Variants in RAD51B observed in about 807,000 individuals in gnomAD.
RAD51B encodes the protein DNA repair protein RAD51 homolog 2.
In RAD51B, 38 loss-of-function variants were observed where a neutral mutation model predicts 42.2. The observed-to-expected ratio is 0.90, with a 90% CI of 0.70 to 1.18. RAD51B has a LOEUF of 1.18. Ranked by LOEUF, RAD51B falls within the 50% of genes most tolerant of loss-of-function variation. The pLI is 0.00. For missense variants in RAD51B, 373 were observed against 400.7 expected (o/e 0.93, Z 0.59); for synonymous variants, 154 against 145.2 (o/e 1.06, Z -0.43).
intron 10 of RAD51B, chr14:68,469,210 AT>A: frequency 2.5e-6 from 1 of 402,038 alleles, no homozygotes; most frequent in Non-Finnish European, 5.3e-6. Flanking sequence ...TAAGTTAAAT[AT>A]TTTTCCCAGG....
Position 68,440,148 on chromosome 14 carries a change from T to C in RAD51B, c.958-28024T>C, listed in dbSNP as rs1362041922. ...TTGGCTAGTAATAATGGTTGTAAGA[T>C]TGATCTAAATCATAATAAATGTTGT... On this transcript the variant is annotated intron_variant, in intron 9 of 10. Coordinates refer to ENST00000471583, the MANE Select transcript of RAD51B (RefSeq NM_133510.4). Among the ~76,000 whole-genome samples the C allele has an allele frequency of 2.6e-5, 4 of 152,236 alleles. No individual in the cohort carries two copies. The East Asian group carries it at 5.8e-4, about 22-fold the overall frequency.
At position 67,983,549 on chromosome 14, in the gene RAD51B, C is replaced by T. The variant is rs896462888; in HGVS notation, c.756+96345C>T. On this transcript the variant is annotated intron_variant, in intron 7 of 10. Coordinates refer to ENST00000471583, the MANE Select transcript of RAD51B (RefSeq NM_133510.4). ...CAAATTTGTTAGCATTTTCTCACTG[C>T]AAAATATTATCAAATTAGGAAATAG... 8.1e-4 allele frequency among the ~76,000 whole-genome samples: 123 copies of T among 152,120 alleles called. 1 individual carries two copies. Among genetic ancestry groups the T allele is most frequent in the African/African-American group, 2.9e-3 (121 of 41,498 alleles).
At chr14:68,311,244 T>C (rs1047131110) in intron 8 of RAD51B, among the ~76,000 whole-genome samples, 1 of 152,222 alleles carries the variant, frequency 6.6e-6, no homozygotes, top group Admixed American at 6.5e-5. Flanking sequence ...AATATATGTA[T>C]ATGCCTTTTT....
At position 68,432,948 on chromosome 14, in the gene RAD51B, T is replaced by A. The variant is rs529657991; in HGVS notation, c.957+21421T>A. 4.6e-5 allele frequency among the ~76,000 whole-genome samples: 7 copies of A among 152,330 alleles called. No homozygotes were observed. The South Asian group carries it at 6.2e-4, about 14-fold the overall frequency. On this transcript the variant is annotated intron_variant, in intron 9 of 10. Coordinates refer to ENST00000471583, the MANE Select transcript of RAD51B (RefSeq NM_133510.4). The stretch of plus-strand genomic sequence containing the variant: ...AGCTCTTTTAGGGCAGGCCTGGTGG[T>A]GACAAAATCTCTCAGCATTTGCTTG...
At position 68,039,093 on chromosome 14, in the gene RAD51B, T is replaced by C. The variant is rs539280912; in HGVS notation, c.756+151889T>C. Among the ~76,000 whole-genome samples, 152 of 152,170 alleles carry C rather than the reference T, an allele frequency of 1.0e-3. 1 individual carries two copies. The highest frequency in any genetic ancestry group is 2.8e-3 in the African/African-American group (118 of 41,522). On this transcript the variant is annotated intron_variant, in intron 7 of 10. Transcript: ENST00000471583. ...TTATTGTTTTGCTGATTGTCTAGAC[T>C]TAAGAAAGTGATGGAAAAAATGTTA...
At chr14:68,293,464 A>G (rs2081553493) in intron 8 of RAD51B, among the ~76,000 whole-genome samples, 1 of 152,012 alleles carries the variant, frequency 6.6e-6, no homozygotes, top group Non-Finnish European at 1.5e-5. Context: ...AAAGTGAATG[A>G]TTTCAACCCT....
chr14:68,204,854 C>T (rs1234126993), intron 7 of RAD51B, among the ~76,000 whole-genome samples: 1 of 152,088 alleles, frequency 6.6e-6, no homozygotes, highest in Non-Finnish European at 1.5e-5. Flanking sequence ...CAAGTATACA[C>T]TGTATTGTTC....
chr14:68,513,510 A>T (rs1212780109), intron 10 of RAD51B, among the ~76,000 whole-genome samples: 1 of 152,236 alleles, frequency 6.6e-6, no homozygotes. Context: ...TTGGCCACCC[A>T]TGGGGGCTTC....
chr14:68,206,859 G>A (rs917623778), intron 7 of RAD51B, among the ~76,000 whole-genome samples: 37 of 148,470 alleles, frequency 2.5e-4, no homozygotes, highest in Non-Finnish European at 4.4e-4. Flanking sequence ...GCGCGATCTC[G>A]GCTCACTGCA....
At chr14:68,412,863 T>C (rs1404168108) in intron 9 of RAD51B, among the ~76,000 whole-genome samples, 1 of 152,196 alleles carries the variant, frequency 6.6e-6, no homozygotes, top group Non-Finnish European at 1.5e-5. Flanking sequence ...TGTTGCAGCT[T>C]TCAGGGATAT....
At chr14:68,419,716 G>A (rs2084651549) in intron 9 of RAD51B, among the ~76,000 whole-genome samples, 1 of 152,214 alleles carries the variant, frequency 6.6e-6, no homozygotes, top group Non-Finnish European at 1.5e-5. Flanking sequence ...TGTGTAATGG[G>A]AGAACCAACT....
chr14:68,251,375 C>T (rs182006743), intron 7 of RAD51B, among the ~76,000 whole-genome samples: 17 of 152,148 alleles, frequency 1.1e-4, no homozygotes, highest in African/African-American at 3.9e-4. Context: ...AAGAGCCAAG[C>T]GTGTGTTTTT....
chr14:68,391,814 C>T lies in RAD51B; in HGVS notation c.854-19610C>T, dbSNP rs1203062126. 2.0e-5 allele frequency among the ~76,000 whole-genome samples: 3 copies of T among 152,126 alleles called. No homozygotes were observed. In the East Asian group the frequency reaches 5.8e-4, roughly 29 times the overall value. ...GCCAATAGAAACAACTCAGATATTACAAAAATGTGTTTCTTTCTGGCAGCT... is the reference window on the plus strand; with the variant it reads ...GCCAATAGAAACAACTCAGATATTATAAAAATGTGTTTCTTTCTGGCAGCT... On this transcript the variant is annotated intron_variant, in intron 8 of 10. Coordinates refer to ENST00000471583, the MANE Select transcript of RAD51B (RefSeq NM_133510.4).
At chr14:68,544,590 T>C (rs776252359) in intron 10 of RAD51B, among the ~76,000 whole-genome samples, 1 of 152,088 alleles carries the variant, frequency 6.6e-6, no homozygotes, top group Non-Finnish European at 1.5e-5. Context: ...AAATGGCCCC[T>C]AAAGAGATAG....
intron 3 of RAD51B, 129 bp downstream of exon 3, chr14:67,825,706 A>T: frequency 1.6e-6 from 1 of 637,538 alleles, no homozygotes; most frequent in Non-Finnish European, 2.4e-6. Context: ...TCTACTATAG[A>T]AGTTAGTTCT....
downstream of RAD51B, among the ~76,000 whole-genome samples, chr14:68,614,126 C>T (rs1891777880): frequency 6.6e-6 from 1 of 152,194 alleles, no homozygotes; most frequent in Non-Finnish European, 1.5e-5. Flanking sequence ...AATTCAACCT[C>T]TACTGCCTAT....
Position 68,567,304 on chromosome 14 carries a change from A to G in RAD51B, c.1037-27181A>G, listed in dbSNP as rs1438633000. Reference sequence around the variant, plus strand: ...GACAGAGTAAGACTCTGTCTCAGAAAGAAAAAAAAAAATTCAACTTTATTT... The same window carrying G: ...GACAGAGTAAGACTCTGTCTCAGAAGGAAAAAAAAAAATTCAACTTTATTT... On this transcript the variant is annotated intron_variant, in intron 10 of 10. Coordinates refer to the RAD51B transcript ENST00000487270. 4.3e-5 allele frequency among the ~76,000 whole-genome samples: 6 copies of G among 139,458 alleles called. No individual in the cohort carries two copies. In the Admixed American group the frequency reaches 4.4e-4, roughly 10 times the overall value. The allele number at this position is 139,458 out of a possible 152,430, so 91.5% of individuals were successfully genotyped here.
intron 5 of RAD51B, 68 bp downstream of exon 5, chr14:67,865,207 A>T: frequency 7.5e-7 from 1 of 1,331,554 alleles, no homozygotes; most frequent in Non-Finnish European, 9.8e-7. Context: ...AAACATTTAC[A>T]CATAGGTTAA....
At chr14:67,852,685 A>G (rs1050652872) in intron 4 of RAD51B, among the ~76,000 whole-genome samples, 1 of 152,218 alleles carries the variant, frequency 6.6e-6, no homozygotes, top group African/African-American at 2.4e-5. Context: ...ACAGAAAGGC[A>G]TGGATAACAA....
Sources: gnomAD v4.1 joint callset for allele counts (sites outside exome capture counted in the v4.1 genomes callset) on GRCh38, gnomAD v4.1.1 for gene constraint, MANE v1.5 for transcripts, NCBI Gene and HGNC (gene_info 2026-07-23, HGNC 2026-07-21) for gene names.